Variants in SLC67A1 observed in about 807,000 individuals in gnomAD.
SLC67A1 encodes the protein solute carrier family 67 member A1.
chr11:2,922,555 A>G, the SLC67A1 span: 1 of 1,600,986 alleles, frequency 6.2e-7, no homozygotes, highest in South Asian at 1.1e-5. Flanking sequence ...CCTCGGACAC[A>G]GGTGAGTGTG....
chr11:2,906,864 TAAAA>T, the SLC67A1 span, among the ~76,000 whole-genome samples: 1 of 133,080 alleles, frequency 7.5e-6, no homozygotes, highest in Non-Finnish European at 1.6e-5. Flanking sequence ...TAAAGTATAA[TAAAA>T]AAACAAAAAG....
chr11:2,919,868 C>T, the SLC67A1 span: 510 of 157,212 alleles, frequency 3.2e-3, 4 homozygotes, highest in African/African-American at 0.012. Context: ...GACGCCAGCC[C>T]TCAGAGGCCA....
chr11:2,916,671 G>A, the SLC67A1 span: 3 of 1,612,940 alleles, frequency 1.9e-6, no homozygotes, highest in Non-Finnish European at 2.5e-6. Context: ...CCTGGGAGCT[G>A]TCCTCAGCTT....
At chr11:2,908,211 C>T in the SLC67A1 span, 73 of 1,586,104 alleles carry the variant, frequency 4.6e-5, no homozygotes, top group East Asian at 1.3e-4. Context: ...GCCCCTCCCC[C>T]GGGCTCCCTC....
chr11:2,900,878 C>T, the SLC67A1 span, among the ~76,000 whole-genome samples: 9 of 152,180 alleles, frequency 5.9e-5, no homozygotes, highest in Admixed American at 1.3e-4. Flanking sequence ...TTCTGAGCAG[C>T]ATTCCTTCCT....
At chr11:2,919,253 G>C in the SLC67A1 span, 1 of 1,335,720 alleles carries the variant, frequency 7.5e-7, no homozygotes, top group Non-Finnish European at 1.1e-6. Flanking sequence ...AGGGAGGTGG[G>C]CGCCAAGGTC....
the SLC67A1 span, among the ~76,000 whole-genome samples, chr11:2,924,794 T>C: frequency 1.3e-5 from 2 of 149,504 alleles, no homozygotes; most frequent in South Asian, 2.2e-4. This position sits in a 1 kb window ranked among gnomAD's most constrained non-coding sequence, Gnocchi z 8.6. Flanking sequence ...CTCCAAAGGC[T>C]GGGCGGGTGG....
chr11:2,903,326 C>T, the SLC67A1 span: 1 of 1,610,732 alleles, frequency 6.2e-7, no homozygotes, highest in African/African-American at 1.3e-5. Context: ...TCCTGGGTCT[C>T]CCTGCTGCGC....
At chr11:2,906,927 C>A in the SLC67A1 span, among the ~76,000 whole-genome samples, 1 of 149,572 alleles carries the variant, frequency 6.7e-6, no homozygotes, top group African/African-American at 2.5e-5. Context: ...ACACTAGCGG[C>A]GCTGGGGAGG....
At chr11:2,900,773 A>C in the SLC67A1 span, among the ~76,000 whole-genome samples, 1 of 151,592 alleles carries the variant, frequency 6.6e-6, no homozygotes, top group East Asian at 1.9e-4. Flanking sequence ...ATGGACATCC[A>C]TGCGGGAACA....
At chr11:2,919,374 C>T in the SLC67A1 span, 21 of 1,613,866 alleles carry the variant, frequency 1.3e-5, no homozygotes, top group Non-Finnish European at 1.6e-5. Flanking sequence ...CCCAAGCTGG[C>T]TACCTCATGT....
At chr11:2,902,775 AC>A in the SLC67A1 span, 10 of 981,392 alleles carry the variant, frequency 1.0e-5, no homozygotes, top group African/African-American at 1.6e-4. Flanking sequence ...CCTACGCAAG[AC>A]CATTCCAGAA....
the SLC67A1 span, chr11:2,902,992 A>C: frequency 3.7e-6 from 1 of 269,574 alleles, no homozygotes; most frequent in Non-Finnish European, 6.8e-6. Context: ...AAAGTGGGGC[A>C]TGGCACATTC....
chr11:2,909,718 G>C, the SLC67A1 span: 16 of 1,502,086 alleles, frequency 1.1e-5, no homozygotes, highest in Non-Finnish European at 1.4e-5. Flanking sequence ...CGGGTGAGTG[G>C]TGGGGGCCGG....
chr11:2,905,669 T>C, the SLC67A1 span, among the ~76,000 whole-genome samples: 1 of 152,160 alleles, frequency 6.6e-6, no homozygotes, highest in African/African-American at 2.4e-5. Flanking sequence ...TATAGTCCCC[T>C]GGGGCCTGCT....
At chr11:2,909,729 G>A in the SLC67A1 span, 4 of 1,474,756 alleles carry the variant, frequency 2.7e-6, no homozygotes, top group African/African-American at 2.9e-5. Context: ...TGGGGGCCGG[G>A]GCGGAGTCTG....
At chr11:2,917,054 G>GTGCTA in the SLC67A1 span, 26 of 317,848 alleles carry the variant, frequency 8.2e-5, no homozygotes, top group South Asian at 2.4e-4. Context: ...GAGAGGCCTG[G>GTGCTA]GGAGGACCAG....
chr11:2,915,851 C>T, the SLC67A1 span, among the ~76,000 whole-genome samples: 2 of 152,220 alleles, frequency 1.3e-5, no homozygotes, highest in Admixed American at 1.3e-4. Context: ...GTTGGAACAG[C>T]CAGCTTCAGG....
At chr11:2,906,887 G>GAA in the SLC67A1 span, among the ~76,000 whole-genome samples, 2 of 101,208 alleles carry the variant, frequency 2.0e-5, no homozygotes, top group Admixed American at 1.1e-4. Context: ...AGAGAGAAAA[G>GAA]AAAAAAAAAA....
Sources: allele counts gnomAD v4.1 joint callset (sites outside exome capture counted in the v4.1 genomes callset), GRCh38; gene constraint gnomAD v4.1.1; non-coding constraint Gnocchi (gnomAD v3.1); transcripts MANE v1.5; gene names NCBI Gene and HGNC (gene_info 2026-07-23, HGNC 2026-07-21).